Variants in LYPD6B observed in about 807,000 individuals in gnomAD.
LYPD6B encodes ly6/PLAUR domain-containing protein 6B.
LYPD6B carries 17 observed loss-of-function variants against 22.8 expected under a neutral mutation model. The observed-to-expected ratio is 0.75, with a 90% confidence interval of 0.51 to 1.12. LYPD6B has a LOEUF of 1.12. Ranked by LOEUF, LYPD6B falls within the 50% of genes most tolerant of loss-of-function variation. LYPD6B has a pLI of 0.00. For missense variants in LYPD6B, 221 were observed against 258.3 expected, an observed-to-expected ratio of 0.86 and a Z score of 0.99; for synonymous variants, 106 against 91.6, an observed-to-expected ratio of 1.16 and a Z score of -0.90.
At chr2:149,147,062 G>A (rs189852142) in intron 2 of LYPD6B, among the ~76,000 whole-genome samples, 8 of 152,188 alleles carry the variant, frequency 5.3e-5, no homozygotes, top group African/African-American at 1.4e-4. Flanking sequence ...ACTCCAGGGC[G>A]GAGAAGCACA....
At position 149,162,403 on chromosome 2, in the gene LYPD6B, G is replaced by C. The variant is rs528414383; in HGVS notation, c.77+1568G>C. 7.9e-5 allele frequency among the ~76,000 whole-genome samples: 12 copies of C among 152,258 alleles called. No homozygotes were observed. The East Asian group carries it at 2.3e-3, about 29-fold the overall frequency. ...AGGTAAGTTGCCCAAAGTTAGACAA[G>C]CTAAAAGGTGGCAGAACTGGAATGT... is the stretch of plus-strand genomic sequence containing the variant. On this transcript the variant is annotated intron_variant, in intron 3 of 6. Transcript: ENST00000409642.
At chr2:149,176,291 G>C (rs1360331025) in intron 3 of LYPD6B, among the ~76,000 whole-genome samples, 1 of 152,166 alleles carries the variant, frequency 6.6e-6, no homozygotes, top group African/African-American at 2.4e-5. Context: ...ATGTGCGTGT[G>C]TGCACACAGA....
intron 2 of LYPD6B, among the ~76,000 whole-genome samples, chr2:149,149,064 T>C (rs1689204720): frequency 6.6e-6 from 1 of 152,112 alleles, no homozygotes; most frequent in South Asian, 2.1e-4. Context: ...ACCTGAAACC[T>C]GAAGGATACA....
At chr2:149,081,003 A>G (rs1004635756) in intron 1 of LYPD6B, among the ~76,000 whole-genome samples, 1 of 152,134 alleles carries the variant, frequency 6.6e-6, no homozygotes. Flanking sequence ...GTCCTTGCAT[A>G]GGACGTTTGT....
chr2:149,133,671 A>T (rs1158745177), intron 2 of LYPD6B, among the ~76,000 whole-genome samples: 2 of 152,180 alleles, frequency 1.3e-5, no homozygotes, highest in African/African-American at 2.4e-5. Context: ...CACTTGCTTC[A>T]GTTGGCTTTG....
intron 3 of LYPD6B, among the ~76,000 whole-genome samples, chr2:149,173,723 C>T (rs1209639343): frequency 6.6e-6 from 1 of 152,134 alleles, no homozygotes; most frequent in African/African-American, 2.4e-5. Flanking sequence ...CTTGACTTTA[C>T]GTTATGATAC....
At chr2:149,053,753 A>C (rs79766160) in intron 1 of LYPD6B, among the ~76,000 whole-genome samples, 3 of 152,046 alleles carry the variant, frequency 2.0e-5, no homozygotes, top group Non-Finnish European at 4.4e-5. Context: ...ACCTCCCCCC[A>C]TTCCCTGGCA....
intron 1 of LYPD6B, among the ~76,000 whole-genome samples, chr2:149,044,568 C>T (rs750321787): frequency 2.0e-5 from 3 of 152,018 alleles, no homozygotes; most frequent in Non-Finnish European, 2.9e-5. Flanking sequence ...ACCTAAATGC[C>T]GTGTCTTTCT....
chr2:149,206,568 A>G (rs2106150942), intron 4 of LYPD6B, among the ~76,000 whole-genome samples: 1 of 152,276 alleles, frequency 6.6e-6, no homozygotes, highest in South Asian at 2.1e-4. Flanking sequence ...TTTTAAGCTT[A>G]GTACAATTTT....
chr2:149,064,736 G>A (rs911444946), intron 1 of LYPD6B, among the ~76,000 whole-genome samples: 1 of 152,236 alleles, frequency 6.6e-6, no homozygotes, highest in African/African-American at 2.4e-5. Flanking sequence ...ATAAATGGCA[G>A]ATGTGGCGTT....
chr2:149,099,337 C>T (rs1686077400), intron 1 of LYPD6B, among the ~76,000 whole-genome samples: 1 of 152,142 alleles, frequency 6.6e-6, no homozygotes, highest in South Asian at 2.1e-4. Flanking sequence ...GTCACCTCCA[C>T]TGGGGACTGC....
intron 1 of LYPD6B, among the ~76,000 whole-genome samples, chr2:149,041,606 G>C (rs920767104): frequency 1.3e-5 from 2 of 152,176 alleles, no homozygotes; most frequent in Non-Finnish European, 1.5e-5. Flanking sequence ...AAGTGAGACT[G>C]CCTGTTGGGC....
At chr2:149,043,685 T>C (rs953958694) in intron 1 of LYPD6B, among the ~76,000 whole-genome samples, 3 of 152,174 alleles carry the variant, frequency 2.0e-5, no homozygotes, top group Non-Finnish European at 2.9e-5. Flanking sequence ...ACTTTTATTG[T>C]TGTATTGAGG....
At chr2:149,091,666 G>A (rs909451271) in intron 1 of LYPD6B, among the ~76,000 whole-genome samples, 1 of 151,580 alleles carries the variant, frequency 6.6e-6, no homozygotes, top group Admixed American at 6.6e-5. Context: ...ATCTACCTAA[G>A]TATACTACAG....
intron 4 of LYPD6B, among the ~76,000 whole-genome samples, chr2:149,207,648 A>G (rs1411706426): frequency 6.6e-6 from 1 of 152,092 alleles, no homozygotes; most frequent in African/African-American, 2.4e-5. Context: ...CTCATATTAA[A>G]TGTTATATTC....
chr2:149,163,495 C>A (rs538954986), intron 3 of LYPD6B, among the ~76,000 whole-genome samples: 3 of 152,094 alleles, frequency 2.0e-5, no homozygotes, highest in African/African-American at 7.2e-5. Context: ...TGTGTAAGAA[C>A]CTTTAGCATC....
At chr2:149,132,899 T>G (rs998627735) in intron 2 of LYPD6B, among the ~76,000 whole-genome samples, 1 of 152,168 alleles carries the variant, frequency 6.6e-6, no homozygotes, top group African/African-American at 2.4e-5. Context: ...TATTTAAAAA[T>G]TTTTTTCTAT....
intron 2 of LYPD6B, among the ~76,000 whole-genome samples, chr2:149,157,462 C>T (rs1263752716): frequency 1.3e-5 from 2 of 152,188 alleles, no homozygotes; most frequent in Non-Finnish European, 1.5e-5. Context: ...TAACAATCTG[C>T]GATGACAGCA....
chr2:149,160,832 C>T lies in LYPD6B; in HGVS notation c.74C>T (p.Ser25Leu), dbSNP rs1329624806. ...AGCCTGACAACCACATTCTCCTTCT[C>T]AAGGTAAGAATGGCAGCTGTTACAA... ...ERSLTTTFSFSRYKSSDRPAH... is the reference protein window; with the variant it reads ...ERSLTTTFSFLRYKSSDRPAH... Residue 25 changes from serine to leucine, a missense_variant, in exon 3 of 7, where the codon TCA becomes TTA. By Grantham distance (145) the Ser-to-Leu change is moderately radical. Transcript: ENST00000409642. The T allele has an allele frequency of 1.9e-6, 3 of 1,550,962 alleles. No individual in the cohort carries two copies. The highest frequency in any genetic ancestry group is 3.9e-5 in the Admixed American group (2 of 51,170).
Sources: allele counts gnomAD v4.1 joint callset (sites outside exome capture counted in the v4.1 genomes callset), GRCh38; gene constraint gnomAD v4.1.1; transcripts MANE v1.5; gene names NCBI Gene and HGNC (gene_info 2026-07-23, HGNC 2026-07-21).